The following CD200R1 variants were observed in gnomAD, a reference collection of about 807,000 sequenced individuals.
CD200R1 encodes the protein CD200 receptor 1, also known as cell surface glycoprotein CD200 receptor 1.
In CD200R1, 30 loss-of-function variants were observed where a neutral mutation model predicts 38.1. That is an observed-to-expected ratio of 0.79 (90% CI 0.59 to 1.07). The LOEUF (loss-of-function observed/expected upper bound fraction) is 1.07. Among genes scored for constraint, CD200R1 ranks in the 50% least tolerant of loss-of-function variants. The pLI, the probability that CD200R1 is intolerant of heterozygous loss-of-function variation, is 0.00. For synonymous variants in CD200R1, 128 were observed against 152.1 expected, an observed-to-expected ratio of 0.84 and a Z score of 1.16; for missense variants, 372 against 415.4, an observed-to-expected ratio of 0.90 and a Z score of 0.91.
chr3:112,946,052 A>AAG (rs1250125281), intron 2 of CD200R1, among the ~76,000 whole-genome samples: 2 of 140,232 alleles, frequency 1.4e-5, no homozygotes, highest in African/African-American at 2.5e-5. Context: ...AAAAAAAAAA[A>AAG]GGAGAACGAA....
chr3:112,960,197 C>T (rs552706374), intron 1 of CD200R1, among the ~76,000 whole-genome samples: 21 of 152,000 alleles, frequency 1.4e-4, no homozygotes, highest in Non-Finnish European at 2.8e-4. Context: ...TCCTCATCAC[C>T]AGTATGGTAA....
chr3:112,970,622 A>T (rs922316243), intron 1 of CD200R1, among the ~76,000 whole-genome samples: 1 of 152,000 alleles, frequency 6.6e-6, no homozygotes, highest in Non-Finnish European at 1.5e-5. Context: ...GGTTTTTCAG[A>T]CACAAATGGT....
intron 2 of CD200R1, among the ~76,000 whole-genome samples, chr3:112,943,072 AG>A (rs1940764825): frequency 6.6e-6 from 1 of 151,766 alleles, no homozygotes; most frequent in Non-Finnish European, 1.5e-5. Context: ...AGACAGATCC[AG>A]CAGGCAGAAA....
chr3:112,968,446 T>C (rs1229632148), intron 1 of CD200R1, among the ~76,000 whole-genome samples: 1 of 152,200 alleles, frequency 6.6e-6, no homozygotes, highest in Non-Finnish European at 1.5e-5. Flanking sequence ...TAAAAACAAC[T>C]ACCTGAGGTT....
intron 1 of CD200R1, among the ~76,000 whole-genome samples, chr3:112,961,846 G>C (rs1336216937): frequency 6.6e-6 from 1 of 152,040 alleles, no homozygotes; most frequent in African/African-American, 2.4e-5. Flanking sequence ...TGAAAAAATG[G>C]GCAAAGGTAT....
chr3:112,959,018 C>A (rs1576150155), intron 1 of CD200R1, among the ~76,000 whole-genome samples: 1 of 152,136 alleles, frequency 6.6e-6, no homozygotes. Context: ...AGAAACAGCA[C>A]ATGATTTTCT....
At chr3:112,949,486 C>T (rs993800150) in intron 1 of CD200R1, among the ~76,000 whole-genome samples, 2 of 152,194 alleles carry the variant, frequency 1.3e-5, no homozygotes, top group African/African-American at 4.8e-5. Flanking sequence ...ATTTCCATCT[C>T]TCTATAACTA....
At chr3:112,927,319 C>G (rs1303601120) in intron 5 of CD200R1, among the ~76,000 whole-genome samples, 1 of 152,096 alleles carries the variant, frequency 6.6e-6, no homozygotes, top group African/African-American at 2.4e-5. Context: ...TCTCCAAGGC[C>G]AGAAACTGCT....
chr3:112,964,614 G>A (rs1212207286), intron 1 of CD200R1, among the ~76,000 whole-genome samples: 1 of 152,194 alleles, frequency 6.6e-6, no homozygotes, highest in Non-Finnish European at 1.5e-5. Context: ...ATTGTATCTA[G>A]GAAGTAACTA....
At chr3:112,949,817 C>T (rs2107326442) in intron 1 of CD200R1, among the ~76,000 whole-genome samples, 1 of 152,312 alleles carries the variant, frequency 6.6e-6, no homozygotes, top group South Asian at 2.1e-4. Flanking sequence ...GACACAGACA[C>T]TATGAATTCT....
At chr3:112,959,080 C>T (rs553901197) in intron 1 of CD200R1, among the ~76,000 whole-genome samples, 1 of 152,214 alleles carries the variant, frequency 6.6e-6, no homozygotes, top group Non-Finnish European at 1.5e-5. Context: ...TCTGCATGCT[C>T]TACTCTCTAA....
At chr3:112,930,444 G>A (rs538520721) in intron 3 of CD200R1, among the ~76,000 whole-genome samples, 86 of 152,270 alleles carry the variant, frequency 5.6e-4, no homozygotes, top group Non-Finnish European at 7.5e-4. Flanking sequence ...CACTAAAGGC[G>A]TAAGTTGATC....
At chr3:112,927,666 G>A (rs1940310804) in intron 5 of CD200R1, among the ~76,000 whole-genome samples, 1 of 152,142 alleles carries the variant, frequency 6.6e-6, no homozygotes, top group Non-Finnish European at 1.5e-5. Flanking sequence ...GACAATAGCT[G>A]TACAGCAGAT....
chr3:112,974,996 C>T lies in CD200R1; in HGVS notation c.-139G>A. ...TTACCCCATCAACAGTGGGGCACTC[C>T]CTTCCTTCTAGCCCCTTCCTTCACG... On this transcript the variant is annotated 5_prime_UTR_variant, in exon 1 of 8. Coordinates refer to ENST00000308611, the MANE Select transcript of CD200R1 (RefSeq NM_138806.4). 1 of 673,982 alleles carries T rather than the reference C, an allele frequency of 1.5e-6. No homozygotes were observed. The highest frequency in any genetic ancestry group is 1.7e-5 in the South Asian group (1 of 59,230). The allele number at this position is 673,982 out of a possible 1,614,324, so 41.8% of individuals were successfully genotyped here.
intron 1 of CD200R1, among the ~76,000 whole-genome samples, chr3:112,951,015 T>C (rs1327879813): frequency 6.6e-6 from 1 of 151,586 alleles, no homozygotes; most frequent in Non-Finnish European, 1.5e-5. Flanking sequence ...AACACAATAA[T>C]AAATATAAGA....
Position 112,974,953 on chromosome 3 carries a change from T to G in CD200R1, c.-96A>C. Reference sequence around the variant, plus strand: ...ATGGTGAGACCCTCTCTGGTCAACTTCTCAGTACAGGATCCTCTTACCCCA... The same window carrying G: ...ATGGTGAGACCCTCTCTGGTCAACTGCTCAGTACAGGATCCTCTTACCCCA... On this transcript the variant is annotated 5_prime_UTR_variant, in exon 1 of 8. Transcript: ENST00000308611. The G allele has an allele frequency of 1.1e-6, 1 of 933,416 alleles. No homozygotes were observed. The highest frequency in any genetic ancestry group is 1.4e-5 in the South Asian group (1 of 73,444). 57.8% of individuals were successfully genotyped at this position (933,416 alleles called of 1,614,324 possible). A position where few individuals can be genotyped will look rare whatever the true frequency, so the allele number is the denominator to read the frequency against.
intron 1 of CD200R1, among the ~76,000 whole-genome samples, chr3:112,967,518 A>C (rs574079997): frequency 1.3e-5 from 2 of 152,328 alleles, no homozygotes; most frequent in African/African-American, 4.8e-5. Flanking sequence ...TATTTGCAGT[A>C]ATTGATTTAA....
At chr3:112,948,834 A>G (rs1315322666) in intron 1 of CD200R1, among the ~76,000 whole-genome samples, 1 of 152,252 alleles carries the variant, frequency 6.6e-6, no homozygotes, top group Non-Finnish European at 1.5e-5. Context: ...CAGAGATATC[A>G]TAATAAACAA....
chr3:112,945,120 T>C (rs1369347157), intron 2 of CD200R1, among the ~76,000 whole-genome samples: 1 of 152,190 alleles, frequency 6.6e-6, no homozygotes, highest in Non-Finnish European at 1.5e-5. Context: ...ATAGGGTGAA[T>C]GAATATTACC....
Sources: allele counts gnomAD v4.1 joint callset (sites outside exome capture counted in the v4.1 genomes callset), GRCh38; gene constraint gnomAD v4.1.1; transcripts MANE v1.5; gene names NCBI Gene and HGNC (gene_info 2026-07-23, HGNC 2026-07-21).